The following GRIA2 variants were observed in gnomAD, a reference collection of about 807,000 sequenced individuals.
GRIA2 encodes glutamate ionotropic receptor AMPA type subunit 2.
In GRIA2, 14 loss-of-function variants were observed where a neutral mutation model predicts 97.3. The observed-to-expected ratio is 0.14, with a 90% CI of 0.10 to 0.23. The LOEUF is 0.23. GRIA2 is among the 10% of genes least tolerant of loss of function. The pLI is 1.00. For synonymous variants in GRIA2, 412 were observed against 387.8 expected (o/e 1.06, Z -0.73); for missense variants, 558 against 1,069.8 (o/e 0.52, Z 6.67).
At chr4:157,276,448 A>T (rs955810236) in intron 2 of GRIA2, among the ~76,000 whole-genome samples, 45 of 151,994 alleles carry the variant, frequency 3.0e-4, no homozygotes, top group Admixed American at 2.7e-3. Flanking sequence ...TAAAATCAAT[A>T]CTCCAAATTT....
rs369726315 is a variant in GRIA2 at position 157,245,031 on chromosome 4, A to T, written c.229+23224A>T. ...AAATACTACATAAAAAAATAATAGCAGATTGTCATTTCTAAAAATTTATAT... is the reference window on the plus strand; with the variant it reads ...AAATACTACATAAAAAAATAATAGCTGATTGTCATTTCTAAAAATTTATAT... On this transcript the variant is annotated intron_variant, in intron 2 of 15. Coordinates refer to ENST00000264426, the MANE Select transcript of GRIA2 (RefSeq NM_001083619.3). Among the ~76,000 whole-genome samples, 4 of 152,104 alleles carry T rather than the reference A, an allele frequency of 2.6e-5. No homozygotes were observed. In the East Asian group the frequency reaches 7.7e-4, roughly 29 times the overall value.
intron 2 of GRIA2, among the ~76,000 whole-genome samples, chr4:157,229,377 G>A (rs529676691): frequency 3.9e-5 from 6 of 152,224 alleles, no homozygotes; most frequent in Non-Finnish European, 7.4e-5. Context: ...CATCCAAAGT[G>A]CTTGATACTA....
chr4:157,332,766 G>A (rs1735112202), intron 6 of GRIA2, 53 bp from the exon 7 acceptor site: 1 of 1,388,126 alleles, frequency 7.2e-7, no homozygotes, highest in Admixed American at 1.8e-5. Flanking sequence ...CTGGGGTGCA[G>A]TGAGTTTCTG....
intron 11 of GRIA2, among the ~76,000 whole-genome samples, chr4:157,339,962 A>AT (rs1367294934): frequency 1.3e-5 from 2 of 151,860 alleles, no homozygotes; most frequent in African/African-American, 4.8e-5. Flanking sequence ...AGACTTTGTG[A>AT]TAAAGTCCCT....
At chr4:157,223,004 T>C (rs1579282657) in intron 2 of GRIA2, among the ~76,000 whole-genome samples, 2 of 152,190 alleles carry the variant, frequency 1.3e-5, no homozygotes, top group African/African-American at 2.4e-5. Flanking sequence ...CGTTATTTCA[T>C]AGATAACAAT....
chr4:157,332,892 T>C lies in GRIA2; in HGVS notation c.956T>C (p.Ile319Thr). The C allele has an allele frequency of 6.2e-7, 1 of 1,612,730 alleles. No homozygotes were observed. Among genetic ancestry groups the C allele is most frequent in the Non-Finnish European group, 8.5e-7 (1 of 1,179,048 alleles). The stretch of plus-strand genomic sequence containing the variant: ...TTCCGCAACCTAAGGAAGCAAAGAA[T>C]TGAAATCTCCCGAAGGGGGAATGCA... Reference protein sequence around the residue: ...EAFRNLRKQRIEISRRGNAGD... With the variant: ...EAFRNLRKQRTEISRRGNAGD... Residue 319 changes from isoleucine (I) to threonine (T), a missense_variant, in exon 7 of 16, where the codon ATT becomes ACT. Transcript: ENST00000264426.
intron 2 of GRIA2, among the ~76,000 whole-genome samples, chr4:157,277,670 T>A (rs562465820): frequency 6.6e-6 from 1 of 151,530 alleles, no homozygotes; most frequent in South Asian, 2.1e-4. Context: ...TAAATAATTA[T>A]GGCAAGGTTG....
At chr4:157,241,902 G>C (rs1264901532) in intron 2 of GRIA2, among the ~76,000 whole-genome samples, 4 of 152,044 alleles carry the variant, frequency 2.6e-5, no homozygotes, top group African/African-American at 9.7e-5. Flanking sequence ...GAGATGAGCA[G>C]AACAACTTAG....
Position 157,287,375 on chromosome 4 carries a change from C to A in GRIA2, c.230-16177C>A, listed in dbSNP as rs28625402. Among the ~76,000 whole-genome samples, 1,379 of 151,144 alleles carry A rather than the reference C, an allele frequency of 9.1e-3. 28 individuals are homozygous for A. Among genetic ancestry groups the A allele is most frequent in the African/African-American group, 0.032 (1,305 of 41,296 alleles). On this transcript the variant is annotated intron_variant, in intron 2 of 15. Transcript: ENST00000264426. ...ATTGCTGTTTTTTATTTCTGTTGAT[C>A]TCTGTCTCATTATTTTGTGTGTGGG...
In GRIA2 at chr4:157,364,542, A is replaced by T. The variant is rs901920508; in HGVS notation, c.*1111A>T. The T allele has an allele frequency of 6.6e-6, 1 of 152,186 alleles. No individual in the cohort carries two copies. The allele number at this position is 152,186 out of a possible 1,614,324, so 9.4% of individuals were successfully genotyped here. On this transcript the variant is annotated 3_prime_UTR_variant, in exon 16 of 16. Coordinates refer to ENST00000264426, the MANE Select transcript of GRIA2 (RefSeq NM_001083619.3). The stretch of plus-strand genomic sequence containing the variant: ...TATGTAGATAAATGCTAATAGATTT[A>T]AAAAGCTAATATTAACAAATACCAG...
chr4:157,275,379 C>A (rs1732246401), intron 2 of GRIA2, among the ~76,000 whole-genome samples: 1 of 152,266 alleles, frequency 6.6e-6, no homozygotes, highest in East Asian at 1.9e-4. Flanking sequence ...TTAATTAGAT[C>A]CCATTTGTCA....
chr4:157,354,447 C>T (rs1736157717), intron 12 of GRIA2, among the ~76,000 whole-genome samples: 1 of 152,130 alleles, frequency 6.6e-6, no homozygotes, highest in Admixed American at 6.6e-5. Context: ...ATATGATACA[C>T]TGTTATTTTC....
At chr4:157,335,248 C>T (rs1735229607) in intron 9 of GRIA2, 1 of 198,574 alleles carries the variant, frequency 5.0e-6, no homozygotes, top group Non-Finnish European at 1.0e-5. Context: ...ATCTTTGGGA[C>T]AGCAGTGACA....
intron 2 of GRIA2, among the ~76,000 whole-genome samples, chr4:157,230,291 T>C (rs1422926991): frequency 6.6e-6 from 1 of 152,162 alleles, no homozygotes; most frequent in Non-Finnish European, 1.5e-5. Flanking sequence ...TTATTGTGCA[T>C]GAATAAAAGG....
At chr4:157,235,838 CTAAT>C (rs1730219888) in intron 2 of GRIA2, among the ~76,000 whole-genome samples, 5 of 151,840 alleles carry the variant, frequency 3.3e-5, no homozygotes, top group African/African-American at 4.8e-5. Context: ...TGGGGATTAA[CTAAT>C]TAATTATAAT....
intron 2 of GRIA2, among the ~76,000 whole-genome samples, chr4:157,300,014 T>G (rs79254232): frequency 1.3e-5 from 2 of 152,120 alleles, no homozygotes; most frequent in Non-Finnish European, 2.9e-5. Context: ...TATAGGGTGT[T>G]GGTATTGTAT....
chr4:157,274,816 T>A (rs1050470071), intron 2 of GRIA2, among the ~76,000 whole-genome samples: 4 of 151,990 alleles, frequency 2.6e-5, no homozygotes, highest in Admixed American at 6.6e-5. Context: ...TGAATAGTGC[T>A]GCAATAAACA....
intron 11 of GRIA2, among the ~76,000 whole-genome samples, chr4:157,340,705 A>G (rs1735508648): frequency 6.6e-6 from 1 of 151,438 alleles, no homozygotes; most frequent in African/African-American, 2.4e-5. Flanking sequence ...TTTTTTCCTC[A>G]TTTTTCTCTC....
At chr4:157,350,554 G>A (rs1352459934) in intron 12 of GRIA2, among the ~76,000 whole-genome samples, 2 of 151,340 alleles carry the variant, frequency 1.3e-5, no homozygotes, top group Admixed American at 6.6e-5. Context: ...TTCTTCAGGC[G>A]GCCCAGTGTT....
Sources: gnomAD v4.1 joint callset for allele counts (sites outside exome capture counted in the v4.1 genomes callset) on GRCh38, gnomAD v4.1.1 for gene constraint, MANE v1.5 for transcripts, NCBI Gene and HGNC (gene_info 2026-07-23, HGNC 2026-07-21) for gene names.